The following AK2 variants were observed in gnomAD, a reference collection of about 807,000 sequenced individuals.
AK2 encodes the protein adenylate kinase 2, mitochondrial.
A neutral mutation model predicts 24.6 loss-of-function variants in AK2; 15 were observed. The observed-to-expected ratio is 0.61, with a 90% CI of 0.41 to 0.94. AK2 has a LOEUF of 0.94. Among genes scored for constraint, AK2 ranks in the 40% least tolerant of loss-of-function variants. AK2 has a pLI of 0.00. For missense variants in AK2, 257 were observed against 304.1 expected (o/e 0.85, Z 1.15); for synonymous variants, 102 against 114.0 (o/e 0.90, Z 0.67).
At chr1:33,025,142 A>T (rs1639796651) in intron 1 of AK2, among the ~76,000 whole-genome samples, 1 of 147,854 alleles carries the variant, frequency 6.8e-6, no homozygotes, top group Admixed American at 6.9e-5. Flanking sequence ...CTGAGATTGC[A>T]CCACAGCACT....
Position 33,011,672 on chromosome 1 carries a change from G to C in AK2, c.*1509C>G, listed in dbSNP as rs1570182028. The C allele has an allele frequency of 7.7e-7, 1 of 1,301,474 alleles. No homozygotes were observed. Among genetic ancestry groups the C allele is most frequent in the South Asian group, 1.2e-5 (1 of 81,056 alleles). The allele number at this position is 1,301,474 out of a possible 1,614,324, so 80.6% of individuals were successfully genotyped here. A position where few individuals can be genotyped will look rare whatever the true frequency, so the allele number is the denominator to read the frequency against. On this transcript the variant is annotated 3_prime_UTR_variant, in exon 6 of 6. Coordinates refer to ENST00000672715, the MANE Select transcript of AK2 (RefSeq NM_001625.4). ...CTTTCTAATGGTTTTTCCAGAGGCT[G>C]CCGTTTTTGTGGTCCTTCATAGCAG...
In AK2 at chr1:33,012,623, G is replaced by A. The variant is rs759612971; in HGVS notation, c.*558C>T. On this transcript the variant is annotated 3_prime_UTR_variant, in exon 6 of 6. Transcript: ENST00000672715. ...AAAGAAGTAAACAGCTGGGCTGGGT[G>A]TAGTGGCTCACGTCTGTGATCCTGG... The A allele has an allele frequency of 1.0e-5, 13 of 1,289,582 alleles. No individual in the cohort carries two copies. The South Asian group carries it at 1.4e-4, about 13-fold the overall frequency. 79.9% of individuals were successfully genotyped at this position (1,289,582 alleles called of 1,614,324 possible). A position where few individuals can be genotyped will look rare whatever the true frequency, so the allele number is the denominator to read the frequency against.
intron 4 of AK2, among the ~76,000 whole-genome samples, chr1:33,020,657 C>T (rs1429076123): frequency 6.6e-6 from 1 of 151,362 alleles, no homozygotes; most frequent in Non-Finnish European, 1.5e-5. Flanking sequence ...CCAGCATGGC[C>T]AACATGGTGA....
chr1:33,029,602 G>A (rs1640116197), intron 1 of AK2: 1 of 151,826 alleles, frequency 6.6e-6, no homozygotes, highest in Non-Finnish European at 1.5e-5. Context: ...TTGTAGAGAT[G>A]GGGTTTCGTC....
At position 33,008,653 on chromosome 1, in the gene AK2, A is replaced by G. The variant is rs756841151; in HGVS notation, c.*4528T>C. 11 of 454,012 alleles carry G rather than the reference A, an allele frequency of 2.4e-5. No homozygotes were observed. Among genetic ancestry groups the G allele is most frequent in the South Asian group, 1.6e-4 (10 of 64,478 alleles). The allele number at this position is 454,012 out of a possible 1,614,324, so 28.1% of individuals were successfully genotyped here. On this transcript the variant is annotated 3_prime_UTR_variant, in exon 6 of 6. Transcript: ENST00000672715. ...CTGCCTCTTATGCATGACCTCAGGA[A>G]TGCCACTTCACCTCTCTGAGTCTGG...
At chr1:33,023,258 T>C (rs967382273) in intron 2 of AK2, among the ~76,000 whole-genome samples, 4 of 152,304 alleles carry the variant, frequency 2.6e-5, no homozygotes, top group South Asian at 4.1e-4. Flanking sequence ...TCAGGTCAAC[T>C]GGCCTAAAGA....
At chr1:33,016,669 T>G (rs1639208755) in intron 4 of AK2, among the ~76,000 whole-genome samples, 1 of 152,080 alleles carries the variant, frequency 6.6e-6, no homozygotes, top group South Asian at 2.1e-4. Flanking sequence ...CCACCATGCC[T>G]GGCTAATTCT....
rs1405012859 is a variant in AK2 at position 33,008,515 on chromosome 1, A to G, written c.*4666T>C. 1 of 453,970 alleles carries G rather than the reference A, an allele frequency of 2.2e-6. No individual in the cohort carries two copies. 28.1% of individuals were successfully genotyped at this position (453,970 alleles called of 1,614,324 possible). ...GCAGCGCTGAGTGTCCATGGAAAAGAGCTCTTATTCAGAGCAGCCCTTCCT... is the reference window on the plus strand; with the variant it reads ...GCAGCGCTGAGTGTCCATGGAAAAGGGCTCTTATTCAGAGCAGCCCTTCCT... On this transcript the variant is annotated 3_prime_UTR_variant, in exon 6 of 6. Transcript: ENST00000672715.
Position 33,012,991 on chromosome 1 carries a change from CACACACACACA to C in AK2, c.*179_*189del, listed in dbSNP as rs754140643. ...GTGAACACATATGTGCATGCACACA[CACACACACACA>C]ACACACATACACACAGATGAGAGTA... On this transcript the variant is annotated 3_prime_UTR_variant, in exon 6 of 6. Coordinates refer to ENST00000672715, the MANE Select transcript of AK2 (RefSeq NM_001625.4). The C allele has an allele frequency of 1.9e-6, 3 of 1,588,440 alleles. No homozygotes were observed. In the African/African-American group the frequency reaches 4.0e-5, roughly 21 times the overall value.
Position 33,021,419 on chromosome 1 carries a change from C to T in AK2, c.373G>A (p.Val125Met). ...MEKRKEKLDS[V>M]IEFSIPDSLL... ...GAGTCTGGGATGCTGAATTCAATCA[C>T]AGAATCAAGCTTCTCTTTCCTCTTC... Residue 125 changes from valine (V) to methionine (M), a missense_variant, in exon 4 of 6, where the codon GTG becomes ATG. By Grantham distance (21) the Val-to-Met change is conservative. Coordinates refer to ENST00000672715, the MANE Select transcript of AK2 (RefSeq NM_001625.4). 1 of 1,614,148 alleles carries T rather than the reference C, an allele frequency of 6.2e-7. No individual in the cohort carries two copies.
chr1:33,032,665 G>T (rs1369232886), intron 1 of AK2, among the ~76,000 whole-genome samples: 1 of 152,144 alleles, frequency 6.6e-6, no homozygotes, highest in Non-Finnish European at 1.5e-5. Context: ...GAAATACCAT[G>T]TGCCTCCTCA....
At chr1:33,018,520 G>A (rs1467981980) in intron 4 of AK2, among the ~76,000 whole-genome samples, 4 of 152,088 alleles carry the variant, frequency 2.6e-5, no homozygotes, top group Admixed American at 2.6e-4. Context: ...CAACATTTTG[G>A]ACTACGAGGC....
At chr1:33,022,683 C>G (rs190478203) in intron 2 of AK2, among the ~76,000 whole-genome samples, 54 of 152,218 alleles carry the variant, frequency 3.5e-4, no homozygotes, top group Non-Finnish European at 7.1e-4. Context: ...CTGAGTCTCT[C>G]TAAAACCCCA....
chr1:33,016,151 T>C (rs780589073), intron 4 of AK2, among the ~76,000 whole-genome samples: 1 of 152,076 alleles, frequency 6.6e-6, no homozygotes, highest in Non-Finnish European at 1.5e-5. Flanking sequence ...GATGCTCAAG[T>C]CCCTGATATA....
chr1:33,031,594 A>C, intron 1 of AK2: 2 of 456,100 alleles, frequency 4.4e-6, no homozygotes, highest in South Asian at 3.1e-5. Context: ...AGTCATTCAG[A>C]TGCAAGCTCT....
At chr1:33,030,333 T>A (rs935891197) in intron 1 of AK2, among the ~76,000 whole-genome samples, 2 of 152,116 alleles carry the variant, frequency 1.3e-5, no homozygotes, top group African/African-American at 4.8e-5. Context: ...TTTGGGAGGA[T>A]CACTTGAGGC....
At chr1:33,013,597 T>C (rs1221845212) in intron 5 of AK2, among the ~76,000 whole-genome samples, 195 bp from the exon 6 acceptor site, 1 of 152,060 alleles carries the variant, frequency 6.6e-6, no homozygotes, top group African/African-American at 2.4e-5. Context: ...GAGCAGCTGG[T>C]GAACAGAAGT....
chr1:33,020,280 A>G, intron 4 of AK2: 1 of 776,626 alleles, frequency 1.3e-6, no homozygotes. Flanking sequence ...AACTTTGTAC[A>G]GATGGTTATA....
At chr1:33,016,537 T>A (rs1236509563) in intron 4 of AK2, among the ~76,000 whole-genome samples, 1 of 151,722 alleles carries the variant, frequency 6.6e-6, no homozygotes, top group African/African-American at 2.4e-5. Flanking sequence ...TGAGACATGG[T>A]CTTGCTCTGT....
Sources: gnomAD v4.1 joint callset for allele counts (sites outside exome capture counted in the v4.1 genomes callset) on GRCh38, gnomAD v4.1.1 for gene constraint, MANE v1.5 for transcripts, NCBI Gene and HGNC (gene_info 2026-07-23, HGNC 2026-07-21) for gene names.